CTNNA3: variants seen among roughly 807,000 people sequenced by gnomAD.
CTNNA3 encodes catenin alpha-3.
Under a neutral mutation model 95.7 loss-of-function variants are expected in CTNNA3, and 76 were observed. The observed-to-expected ratio is 0.79, with a 90% CI of 0.66 to 0.96. The LOEUF (loss-of-function observed/expected upper bound fraction) is 0.96, where lower values mean the gene tolerates loss of function less well. Among genes scored for constraint, CTNNA3 ranks in the 40% least tolerant of loss-of-function variants. CTNNA3 has a pLI of 0.00. For missense variants in CTNNA3, 1,191 were observed against 1,089.8 expected, an observed-to-expected ratio of 1.09 and a Z score of -1.31; for synonymous variants, 431 against 374.4, an observed-to-expected ratio of 1.15 and a Z score of -1.74.
At chr10:66,928,555 T>G in intron 7 of CTNNA3, 7 of 1,056,370 alleles carry the variant, frequency 6.6e-6, no homozygotes, top group South Asian at 1.7e-5. Flanking sequence ...CCCCCTCCCC[T>G]TCCCTCTCCC....
chr10:66,869,172 TATATA>T (rs1844300635), intron 7 of CTNNA3, among the ~76,000 whole-genome samples: 3 of 152,184 alleles, frequency 2.0e-5, no homozygotes, highest in South Asian at 2.1e-4. Flanking sequence ...ATAAAAACAC[TATATA>T]ATTATGGTCT....
chr10:67,149,241 A>G (rs1439434807), intron 7 of CTNNA3, among the ~76,000 whole-genome samples: 1 of 152,156 alleles, frequency 6.6e-6, no homozygotes, highest in Non-Finnish European at 1.5e-5. Flanking sequence ...ATGGCTTGGA[A>G]AATGCAATTC....
At chr10:67,292,912 T>C (rs1262349229) in intron 5 of CTNNA3, among the ~76,000 whole-genome samples, 1 of 152,038 alleles carries the variant, frequency 6.6e-6, no homozygotes, top group African/African-American at 2.4e-5. Flanking sequence ...TCACAGGGAT[T>C]TGGAAGTTTG....
chr10:67,363,947 A>C (rs1301408097), intron 5 of CTNNA3, among the ~76,000 whole-genome samples: 1 of 152,194 alleles, frequency 6.6e-6, no homozygotes, highest in African/African-American at 2.4e-5. Context: ...CCAATAGAAA[A>C]AAGAGGGAAT....
intron 6 of CTNNA3, among the ~76,000 whole-genome samples, chr10:67,211,907 G>T (rs569961141): frequency 1.3e-5 from 2 of 151,978 alleles, no homozygotes; most frequent in Non-Finnish European, 2.9e-5. Context: ...TGACCTATGT[G>T]CTCTATGAAG....
chr10:67,327,114 C>T (rs1800655385), intron 5 of CTNNA3, among the ~76,000 whole-genome samples: 1 of 152,202 alleles, frequency 6.6e-6, no homozygotes, highest in African/African-American at 2.4e-5. Flanking sequence ...TTTTGACTGT[C>T]AGCTCCTGCA....
At chr10:67,639,087 G>T (rs1476527084) in intron 2 of CTNNA3, among the ~76,000 whole-genome samples, 5 of 151,746 alleles carry the variant, frequency 3.3e-5, no homozygotes, top group Admixed American at 2.6e-4. Flanking sequence ...TTTTGAAAAG[G>T]TCAACAAAAT....
chr10:66,721,689 T>C (rs986794550), intron 9 of CTNNA3, among the ~76,000 whole-genome samples: 14 of 152,154 alleles, frequency 9.2e-5, no homozygotes, highest in Non-Finnish European at 1.6e-4. Context: ...CTGGGGAATG[T>C]TTGGGAGACC....
At chr10:66,335,853 C>A (rs1323090082) in intron 12 of CTNNA3, among the ~76,000 whole-genome samples, 2 of 152,228 alleles carry the variant, frequency 1.3e-5, no homozygotes, top group South Asian at 2.1e-4. Flanking sequence ...GCAGGCAGGT[C>A]TCCTTGAGCT....
intron 7 of CTNNA3, among the ~76,000 whole-genome samples, chr10:66,863,323 T>C (rs547984403): frequency 6.6e-6 from 1 of 152,206 alleles, no homozygotes; most frequent in Admixed American, 6.6e-5. Context: ...TATGTTCTAC[T>C]TACTATTTAA....
chr10:67,171,922 G>A (rs1862038719), intron 7 of CTNNA3, among the ~76,000 whole-genome samples: 1 of 152,126 alleles, frequency 6.6e-6, no homozygotes, highest in Admixed American at 6.6e-5. Flanking sequence ...AAAAAATATT[G>A]GGAGTTTATC....
At chr10:67,229,592 C>T (rs1195841868) in intron 5 of CTNNA3, among the ~76,000 whole-genome samples, 1 of 152,158 alleles carries the variant, frequency 6.6e-6, no homozygotes, top group Non-Finnish European at 1.5e-5. Flanking sequence ...CAGAAAGGTC[C>T]TAGAACGATA....
chr10:66,379,558 T>C (rs1016161025), intron 11 of CTNNA3, among the ~76,000 whole-genome samples: 1 of 152,210 alleles, frequency 6.6e-6, no homozygotes, highest in Non-Finnish European at 1.5e-5. Flanking sequence ...ATATAACATG[T>C]TACATTTTTA....
chr10:67,153,415 C>T (rs192142843), intron 7 of CTNNA3, among the ~76,000 whole-genome samples: 392 of 152,318 alleles, frequency 2.6e-3, no homozygotes, highest in Non-Finnish European at 4.7e-3. Flanking sequence ...GATTGAAAAT[C>T]ACAATTTTAT....
intron 5 of CTNNA3, among the ~76,000 whole-genome samples, chr10:67,329,870 G>A (rs1047175789): frequency 6.6e-6 from 1 of 152,158 alleles, no homozygotes; most frequent in Non-Finnish European, 1.5e-5. Context: ...CTGATGTAGT[G>A]GTTCTGCTTT....
At chr10:66,809,712 T>G (rs1226407408) in intron 7 of CTNNA3, among the ~76,000 whole-genome samples, 2 of 152,320 alleles carry the variant, frequency 1.3e-5, no homozygotes, top group South Asian at 2.1e-4. Flanking sequence ...TAATATTATA[T>G]GATGGTTTTG....
intron 12 of CTNNA3, among the ~76,000 whole-genome samples, chr10:66,361,131 A>AC (rs1554944820): frequency 6.9e-6 from 1 of 145,970 alleles, no homozygotes; most frequent in Non-Finnish European, 1.5e-5. Flanking sequence ...TAAATTTTGA[A>AC]TTTTTTGTTT....
intron 12 of CTNNA3, among the ~76,000 whole-genome samples, chr10:66,310,596 C>A (rs2092003828): frequency 6.6e-6 from 1 of 151,528 alleles, no homozygotes; most frequent in African/African-American, 2.4e-5. Flanking sequence ...TTTCATCATG[C>A]CTGAAGAGGG....
At chr10:66,509,242 TCTGTGC>T (rs1840571857) in intron 11 of CTNNA3, among the ~76,000 whole-genome samples, 1 of 152,080 alleles carries the variant, frequency 6.6e-6, no homozygotes, top group Non-Finnish European at 1.5e-5. Context: ...GATTATTGTT[TCTGTGC>T]TGTTGTTTGA....
Sources: gnomAD v4.1 joint callset for allele counts (sites outside exome capture counted in the v4.1 genomes callset) on GRCh38, gnomAD v4.1.1 for gene constraint, MANE v1.5 for transcripts, NCBI Gene and HGNC (gene_info 2026-07-23, HGNC 2026-07-21) for gene names.